F8: variants seen among roughly 807,000 people sequenced by gnomAD.
F8 encodes coagulation factor VIII.
A neutral mutation model predicts 140.6 loss-of-function variants in F8; 12 were observed. The ratio of observed to expected loss-of-function variants is 0.09; its 90% CI spans 0.05 to 0.14. The LOEUF is 0.14. Among genes scored for constraint, F8 ranks in the 10% least tolerant of loss-of-function variants. The pLI, the probability that F8 is intolerant of heterozygous loss-of-function variation, is 1.00. For synonymous variants in F8, 585 were observed against 614.6 expected, an observed-to-expected ratio of 0.95 and a Z score of 0.71; for missense variants, 1,354 against 1,720.7, an observed-to-expected ratio of 0.79 and a Z score of 3.77.
chrX:154,997,055 T>C lies in F8; in HGVS notation c.306A>G (p.Thr102=). The C allele has an allele frequency of 8.3e-7, 1 of 1,210,884 alleles. No homozygotes were observed. Among genetic ancestry groups the C allele is most frequent in the Middle Eastern group, 2.3e-4 (1 of 4,351 alleles). The stretch of plus-strand genomic sequence containing the variant: ...CCATGTTCTTAAGTGTAATGACCAC[T>C]GTATCATAAACCTCAGCCTGGATGG... ...GPTIQAEVYD[T]VVITLKNMAS... Residue 102 remains threonine (T), a synonymous_variant, in exon 3 of 26, where the codon ACA becomes ACG. Coordinates refer to ENST00000360256, the MANE Select transcript of F8 (RefSeq NM_000132.4).
intron 13 of F8, 81 bp from the exon 14 acceptor site, chrX:154,931,757 C>T: frequency 1.2e-6 from 1 of 849,551 alleles, no homozygotes; most frequent in Non-Finnish European, 1.7e-6. Context: ...CTCCCATTCC[C>T]AGATAAATGA....
intron 1 of F8, among the ~76,000 whole-genome samples, chrX:155,012,976 C>G (rs2073714289): frequency 9.2e-6 from 1 of 108,179 alleles, no homozygotes; most frequent in Non-Finnish European, 1.9e-5. Context: ...GAAACCCCGT[C>G]TCTACTATCA....
chrX:154,901,855 A>G (rs1262368673), intron 19 of F8, among the ~76,000 whole-genome samples, 196 bp downstream of exon 19: 1 of 111,840 alleles, frequency 8.9e-6, no homozygotes, highest in African/African-American at 3.3e-5. Flanking sequence ...CTTCAGGTAC[A>G]AAGTGTTCAA....
At chrX:154,952,990 T>A (rs1325107684) in intron 12 of F8, among the ~76,000 whole-genome samples, 1 of 112,362 alleles carries the variant, frequency 8.9e-6, no homozygotes, top group Non-Finnish European at 1.9e-5. Flanking sequence ...ATGAGAACAC[T>A]CTTTTATCCA....
At chrX:154,990,156 G>A (rs2073579457) in intron 4 of F8, among the ~76,000 whole-genome samples, 1 of 111,514 alleles carries the variant, frequency 9.0e-6, no homozygotes, top group Admixed American at 9.5e-5. Flanking sequence ...TTTAATTGGT[G>A]TGTTTTAGCC....
chrX:155,017,874 T>A (rs1259399727), intron 1 of F8, among the ~76,000 whole-genome samples: 1 of 110,627 alleles, frequency 9.0e-6, no homozygotes, highest in African/African-American at 3.3e-5. Flanking sequence ...ACTGCTTTTT[T>A]TTATTTTTTT....
At position 154,844,136 on chromosome X, in the gene F8, T is replaced by A. The variant is rs375469483; in HGVS notation, c.6901-6384A>T. Among the ~76,000 whole-genome samples, 7 of 111,519 alleles carry A rather than the reference T, an allele frequency of 6.3e-5. No individual in the cohort carries two copies. The South Asian group carries it at 1.9e-3, about 30-fold the overall frequency. ...TATTACTTCTGAGGGCTCTGTTCTG[T>A]TCCATTGGTCTATATCTCTGTTTTG... On this transcript the variant is annotated intron_variant, in intron 25 of 25. Coordinates refer to ENST00000360256, the MANE Select transcript of F8 (RefSeq NM_000132.4).
Position 154,901,436 on chromosome X carries a change from T to A in F8, c.6122A>T (p.Gln2041Leu), listed in dbSNP as rs782717221. The part of the protein sequence containing the change: ...TLFLVYSNKC[Q>L]TPLGMASGHI... ...TCCAGAAGCCATTCCCAGGGGAGTC[T>A]GACACTCTGAAATGAAACGGGTGGA... The change falls in exon 20 of 26, where the codon CAG (glutamine) becomes CTG (leucine). Residue 2041 changes from glutamine to leucine, a missense_variant. Coordinates refer to ENST00000360256, the MANE Select transcript of F8 (RefSeq NM_000132.4). 2.1e-5 allele frequency: 25 copies of A among 1,177,721 alleles called. No individual in the cohort carries two copies. Among genetic ancestry groups the A allele is most frequent in the Non-Finnish European group, 2.9e-5 (25 of 865,611 alleles).
intron 6 of F8, among the ~76,000 whole-genome samples, chrX:154,971,512 C>T (rs940946285): frequency 9.0e-6 from 1 of 111,631 alleles, no homozygotes; most frequent in Non-Finnish European, 1.9e-5. Context: ...TATCCATCAC[C>T]TTAAATGTTT....
At chrX:155,000,777 A>G (rs1226017220) in intron 1 of F8, among the ~76,000 whole-genome samples, 1 of 112,301 alleles carries the variant, frequency 8.9e-6, no homozygotes, top group Non-Finnish European at 1.9e-5. Context: ...TTCGAGTCGC[A>G]TGTCTTATTG....
intron 6 of F8, among the ~76,000 whole-genome samples, chrX:154,982,034 A>G (rs1557283660): frequency 1.8e-5 from 2 of 109,688 alleles, no homozygotes; most frequent in Admixed American, 1.9e-4. Context: ...AACTACAAAA[A>G]TTAGGTGGGC....
At chrX:154,909,008 G>T in intron 14 of F8, 1 of 197,270 alleles carries the variant, frequency 5.1e-6, no homozygotes, top group South Asian at 8.1e-5. Context: ...TGGGCTGGAT[G>T]GTTCAGGAAG....
chrX:154,943,926 C>A (rs1397114123), intron 13 of F8, among the ~76,000 whole-genome samples: 1 of 111,660 alleles, frequency 9.0e-6, no homozygotes, highest in Admixed American at 9.5e-5. Context: ...GGAAAGGATT[C>A]CCTATTTAAT....
rs932059212 is a variant in F8 at position 155,017,730 on chromosome X, T to C, written c.143+4680A>G. Among the ~76,000 whole-genome samples the C allele has an allele frequency of 1.3e-4, 15 of 111,551 alleles. No individual in the cohort carries two copies. In the East Asian group the frequency reaches 2.5e-3, roughly 19 times the overall value. ...TAAATAGTTTGCTGAGGATGGGGCC[T>C]AGGAATGTAAATTTTAATAAGCTTC... On this transcript the variant is annotated intron_variant, in intron 1 of 25. Transcript: ENST00000360256.
At chrX:154,897,978 C>T (rs1305846871) in intron 21 of F8, 1 of 112,562 alleles carries the variant, frequency 8.9e-6, no homozygotes, top group Non-Finnish European at 1.9e-5. Flanking sequence ...ACAGCTTCAC[C>T]TATGTGCCCA....
At chrX:154,974,601 C>T in intron 6 of F8, among the ~76,000 whole-genome samples, 1 of 110,593 alleles carries the variant, frequency 9.0e-6, no homozygotes, top group Middle Eastern at 4.7e-3. Context: ...GATCATTATC[C>T]TCCTAAAATA....
chrX:154,852,144 A>G (rs2072620263), intron 25 of F8, among the ~76,000 whole-genome samples: 1 of 111,536 alleles, frequency 9.0e-6, no homozygotes, highest in Non-Finnish European at 1.9e-5. Flanking sequence ...ATCATGGCTC[A>G]CTGCAGCCTC....
intron 25 of F8, 126 bp downstream of exon 25, chrX:154,860,306 C>T (rs1338021425): frequency 1.5e-6 from 1 of 659,253 alleles, no homozygotes; most frequent in Non-Finnish European, 2.4e-6. Flanking sequence ...GTCTTGCTAC[C>T]ATAGGTACTT....
At chrX:154,875,631 G>C (rs1446271234) in intron 22 of F8, among the ~76,000 whole-genome samples, 1 of 111,409 alleles carries the variant, frequency 9.0e-6, no homozygotes, top group African/African-American at 3.3e-5. Flanking sequence ...TTCATAAGCA[G>C]TAAAGTTTGA....
Sources: gnomAD v4.1 joint callset for allele counts (sites outside exome capture counted in the v4.1 genomes callset) on GRCh38, gnomAD v4.1.1 for gene constraint, MANE v1.5 for transcripts, NCBI Gene and HGNC (gene_info 2026-07-23, HGNC 2026-07-21) for gene names.